The following CTIF variants were observed in gnomAD, a reference collection of about 807,000 sequenced individuals.
The protein encoded by CTIF is CBP80/20-dependent translation initiation factor.
A neutral mutation model predicts 66.0 loss-of-function variants in CTIF; 21 were observed. The observed-to-expected ratio is 0.32, with a 90% CI of 0.23 to 0.46. CTIF has a LOEUF of 0.46. Among genes scored for constraint, CTIF ranks in the 20% least tolerant of loss-of-function variants. The pLI is 1.00. For missense variants in CTIF, 739 were observed against 812.7 expected, an observed-to-expected ratio of 0.91 and a Z score of 1.10; for synonymous variants, 345 against 326.4, an observed-to-expected ratio of 1.06 and a Z score of -0.62.
chr18:48,747,081 G>T (rs959747211), intron 7 of CTIF, among the ~76,000 whole-genome samples: 5 of 152,108 alleles, frequency 3.3e-5, no homozygotes, highest in African/African-American at 9.7e-5. Flanking sequence ...CCTGAGCCCC[G>T]ACACGTAACA....
intron 6 of CTIF, among the ~76,000 whole-genome samples, chr18:48,704,050 G>A (rs2092119051): frequency 6.6e-6 from 1 of 152,164 alleles, no homozygotes; most frequent in Admixed American, 6.5e-5. Context: ...ATGAGGGAGG[G>A]ACTTGCTCTT....
At position 48,668,229 on chromosome 18, in the gene CTIF, C is replaced by T. The variant is rs114945850; in HGVS notation, c.432-2440C>T. Among the ~76,000 whole-genome samples, 1,164 of 152,334 alleles carry T rather than the reference C, an allele frequency of 7.6e-3. 12 individuals carry two copies. The highest frequency in any genetic ancestry group is 0.025 in the African/African-American group (1,048 of 41,564). On this transcript the variant is annotated intron_variant, in intron 5 of 11. Transcript: ENST00000256413. ...TGTTTGGAGTGTGCTAGGCTGGTGC[C>T]CAGCGTGTGCTTGGAGCTCAGTGCA...
chr18:48,664,060 G>A (rs1007053144), intron 4 of CTIF, among the ~76,000 whole-genome samples: 5 of 152,146 alleles, frequency 3.3e-5, no homozygotes, highest in Non-Finnish European at 5.9e-5. Flanking sequence ...GCTGGGCCCC[G>A]CTTCCCACTA....
intron 7 of CTIF, among the ~76,000 whole-genome samples, chr18:48,730,218 G>A (rs1007282542): frequency 6.7e-6 from 1 of 149,936 alleles, no homozygotes; most frequent in African/African-American, 2.5e-5. Flanking sequence ...TGTGGTGTGA[G>A]GAGCCCCCGA....
At chr18:48,586,437 A>C (rs1377751897) in intron 1 of CTIF, among the ~76,000 whole-genome samples, 1 of 151,656 alleles carries the variant, frequency 6.6e-6, no homozygotes, top group African/African-American at 2.4e-5. Context: ...TGCCCGGCTA[A>C]TTTTCATATC....
Position 48,828,140 on chromosome 18 carries a change from G to T in CTIF, c.1527+10764G>T, listed in dbSNP as rs1042684999. 5.9e-5 allele frequency among the ~76,000 whole-genome samples: 9 copies of T among 152,216 alleles called. No homozygotes were observed. In the East Asian group the frequency reaches 1.2e-3, roughly 20 times the overall value. On this transcript the variant is annotated intron_variant, in intron 10 of 11. Coordinates refer to ENST00000256413, the MANE Select transcript of CTIF (RefSeq NM_014772.3). ...ATGGTAACACAGGATCTGATAGAGA[G>T]CCTAGAGTTATAAAAATACCAGCTT...
intron 9 of CTIF, among the ~76,000 whole-genome samples, chr18:48,793,426 A>G (rs933470771): frequency 4.6e-5 from 7 of 152,206 alleles, no homozygotes; most frequent in African/African-American, 9.7e-5. Flanking sequence ...CTGTGGCTTT[A>G]TATAACTCAG....
At chr18:48,651,332 AG>A (rs2091152701) in intron 3 of CTIF, among the ~76,000 whole-genome samples, 1 of 152,218 alleles carries the variant, frequency 6.6e-6, no homozygotes, top group African/African-American at 2.4e-5. Context: ...AAAAAAAGGC[AG>A]GGGTTGCAAT....
intron 10 of CTIF, among the ~76,000 whole-genome samples, chr18:48,847,371 A>C (rs1390286498): frequency 3.3e-5 from 5 of 152,152 alleles, no homozygotes; most frequent in African/African-American, 4.8e-5. Flanking sequence ...TAATGTGGGA[A>C]ATTAATATCA....
At chr18:48,728,139 G>A (rs2092401264) in intron 7 of CTIF, among the ~76,000 whole-genome samples, 1 of 152,072 alleles carries the variant, frequency 6.6e-6, no homozygotes, top group South Asian at 2.1e-4. Context: ...ACATTTTGGG[G>A]CTACATAATA....
chr18:48,804,064 C>T (rs2146241576), intron 9 of CTIF, among the ~76,000 whole-genome samples: 1 of 152,286 alleles, frequency 6.6e-6, no homozygotes, highest in South Asian at 2.1e-4. Flanking sequence ...CTGTCACTGG[C>T]ATCCAAGAAT....
At chr18:48,633,189 C>T (rs971119668) in intron 2 of CTIF, among the ~76,000 whole-genome samples, 6 of 152,114 alleles carry the variant, frequency 3.9e-5, no homozygotes, top group African/African-American at 1.4e-4. Flanking sequence ...TGAGAGGTCA[C>T]CTAGGATGGG....
intron 1 of CTIF, among the ~76,000 whole-genome samples, chr18:48,552,240 T>C (rs1220425058): frequency 1.3e-5 from 2 of 152,222 alleles, no homozygotes; most frequent in Admixed American, 6.5e-5. Flanking sequence ...AACGGGGACA[T>C]TTAAGCAAGA....
chr18:48,592,650 C>T (rs1352789915), intron 1 of CTIF, among the ~76,000 whole-genome samples: 1 of 152,202 alleles, frequency 6.6e-6, no homozygotes, highest in Non-Finnish European at 1.5e-5. Flanking sequence ...ATAACCAGCG[C>T]GAGCCTGCCT....
chr18:48,669,132 G>C (rs1396794135), intron 5 of CTIF, among the ~76,000 whole-genome samples: 1 of 151,808 alleles, frequency 6.6e-6, no homozygotes, highest in South Asian at 2.1e-4. Flanking sequence ...AGCCCTGTTA[G>C]AGGAGTTTAG....
intron 7 of CTIF, among the ~76,000 whole-genome samples, chr18:48,749,202 G>A (rs908806879): frequency 3.3e-5 from 5 of 152,124 alleles, no homozygotes; most frequent in Non-Finnish European, 5.9e-5. Context: ...CAATCAACTC[G>A]TAGGGTGAGT....
chr18:48,680,252 C>T (rs1339207237), intron 6 of CTIF, among the ~76,000 whole-genome samples: 1 of 152,268 alleles, frequency 6.6e-6, no homozygotes, highest in Non-Finnish European at 1.5e-5. Context: ...TGTCCATGCC[C>T]TACTTTGGGC....
chr18:48,798,319 A>T (rs2067974506), intron 9 of CTIF, among the ~76,000 whole-genome samples: 1 of 152,228 alleles, frequency 6.6e-6, no homozygotes, highest in East Asian at 1.9e-4. Flanking sequence ...TGCTGCTGCC[A>T]TCACAACTGA....
chr18:48,768,264 A>G (rs1909763054), intron 9 of CTIF, among the ~76,000 whole-genome samples: 1 of 152,128 alleles, frequency 6.6e-6, no homozygotes, highest in Non-Finnish European at 1.5e-5. Context: ...TCTAAGTTTT[A>G]AACTCCTAGA....
Sources: allele counts gnomAD v4.1 joint callset (sites outside exome capture counted in the v4.1 genomes callset), GRCh38; gene constraint gnomAD v4.1.1; transcripts MANE v1.5; gene names NCBI Gene and HGNC (gene_info 2026-07-23, HGNC 2026-07-21).